SHISA9: variants seen among roughly 807,000 people sequenced by gnomAD.
SHISA9 encodes the protein protein shisa-9.
SHISA9 carries 13 observed loss-of-function variants against 38.0 expected under a neutral mutation model. The observed-to-expected ratio is 0.34, with a 90% CI of 0.22 to 0.54. SHISA9 has a LOEUF of 0.54. SHISA9 is among the 20% of genes least tolerant of loss of function. SHISA9 has a pLI of 0.91. For missense variants in SHISA9, 538 were observed against 575.8 expected (o/e 0.93, Z 0.67); for synonymous variants, 275 against 242.0 (o/e 1.14, Z -1.27).
chr16:13,200,146 G>T (rs1297411685), intron 2 of SHISA9, among the ~76,000 whole-genome samples: 1 of 152,066 alleles, frequency 6.6e-6, no homozygotes, highest in Non-Finnish European at 1.5e-5. Flanking sequence ...CGACCACATT[G>T]CATCTTGCTT....
chr16:13,219,957 C>G (rs1014264709), intron 4 of SHISA9, among the ~76,000 whole-genome samples: 35 of 151,808 alleles, frequency 2.3e-4, no homozygotes, highest in Non-Finnish European at 7.4e-5. Flanking sequence ...GACTCCATCT[C>G]AGAAAAAGAA....
At chr16:13,063,375 GA>G (rs371118821) in intron 2 of SHISA9, among the ~76,000 whole-genome samples, 7 of 146,258 alleles carry the variant, frequency 4.8e-5, no homozygotes, top group East Asian at 4.0e-4. Context: ...ACCTTAAATG[GA>G]AAAAAAAAAC....
the SHISA9 span, among the ~76,000 whole-genome samples, chr16:13,276,010 T>C: frequency 6.6e-6 from 1 of 152,014 alleles, no homozygotes; most frequent in African/African-American, 2.4e-5. Context: ...TTGTGAAATT[T>C]TGGTGCACCC....
the SHISA9 span, among the ~76,000 whole-genome samples, chr16:13,380,103 T>C: frequency 1.3e-5 from 2 of 152,000 alleles, no homozygotes; most frequent in Non-Finnish European, 2.9e-5. Context: ...CAGAGATACA[T>C]ACATATGTTT....
At chr16:13,362,494 G>A in the SHISA9 span, among the ~76,000 whole-genome samples, 1 of 152,134 alleles carries the variant, frequency 6.6e-6, no homozygotes, top group Non-Finnish European at 1.5e-5. Context: ...AAAGATGGGG[G>A]AGCTGAAGAG....
intron 2 of SHISA9, among the ~76,000 whole-genome samples, chr16:12,947,637 G>A (rs2071704428): frequency 6.6e-6 from 1 of 152,086 alleles, no homozygotes; most frequent in African/African-American, 2.4e-5. Flanking sequence ...TGAAATCCAC[G>A]GGCTATTTTT....
At chr16:13,207,254 C>G (rs1051651954) in intron 3 of SHISA9, among the ~76,000 whole-genome samples, 2 of 152,150 alleles carry the variant, frequency 1.3e-5, no homozygotes, top group Middle Eastern at 3.4e-3. Flanking sequence ...CCAGTCGCTC[C>G]CTGGGAAAAT....
At chr16:13,493,872 A>G in the SHISA9 span, among the ~76,000 whole-genome samples, 3 of 152,188 alleles carry the variant, frequency 2.0e-5, no homozygotes, top group East Asian at 1.9e-4. Context: ...ACATTACACC[A>G]GGAATATAAT....
the SHISA9 span, among the ~76,000 whole-genome samples, chr16:13,357,159 A>G: frequency 6.6e-5 from 10 of 150,532 alleles, no homozygotes; most frequent in African/African-American, 2.4e-4. Flanking sequence ...ATTGGGGCAC[A>G]GAGATAAGAG....
chr16:13,430,590 G>A, the SHISA9 span, among the ~76,000 whole-genome samples: 3 of 152,062 alleles, frequency 2.0e-5, no homozygotes, highest in Admixed American at 6.6e-5. Context: ...TCATCAGGAG[G>A]GAAAATAAGT....
chr16:13,046,913 C>A (rs1596610232), intron 2 of SHISA9, among the ~76,000 whole-genome samples: 1 of 152,136 alleles, frequency 6.6e-6, no homozygotes, highest in Non-Finnish European at 1.5e-5. Flanking sequence ...CCTCCTGGAA[C>A]CTGCAGATTA....
chr16:13,168,927 C>T (rs2050661504), intron 2 of SHISA9, among the ~76,000 whole-genome samples: 1 of 152,174 alleles, frequency 6.6e-6, no homozygotes. Context: ...ATGCATCGTG[C>T]CTGGCAGGAA....
the SHISA9 span, among the ~76,000 whole-genome samples, chr16:13,330,831 G>A: frequency 3.3e-5 from 5 of 152,104 alleles, no homozygotes; most frequent in Non-Finnish European, 7.3e-5. Flanking sequence ...TGACCAAAAG[G>A]CCAGCGGGGA....
At chr16:13,224,125 A>G (rs1472656032) in intron 4 of SHISA9, among the ~76,000 whole-genome samples, 1 of 152,252 alleles carries the variant, frequency 6.6e-6, no homozygotes, top group African/African-American at 2.4e-5. Flanking sequence ...GCAGTAGCAT[A>G]GAACACACAC....
chr16:13,430,925 A>AC, the SHISA9 span, among the ~76,000 whole-genome samples: 2 of 151,380 alleles, frequency 1.3e-5, no homozygotes, highest in Non-Finnish European at 2.9e-5. Flanking sequence ...TTTCTAGAAA[A>AC]AAAAAAAAAG....
At chr16:13,129,004 C>CT (rs1242693246) in intron 2 of SHISA9, among the ~76,000 whole-genome samples, 1 of 152,196 alleles carries the variant, frequency 6.6e-6, no homozygotes, top group Non-Finnish European at 1.5e-5. Flanking sequence ...TTTATCTTGT[C>CT]TTTCCAATGA....
chr16:13,003,703 C>A (rs1049914804), intron 2 of SHISA9, among the ~76,000 whole-genome samples: 1 of 152,064 alleles, frequency 6.6e-6, no homozygotes, highest in African/African-American at 2.4e-5. Context: ...ACTAAAAATA[C>A]AAAGATTAGC....
chr16:12,970,626 T>C (rs2141810107), intron 2 of SHISA9, among the ~76,000 whole-genome samples: 1 of 142,376 alleles, frequency 7.0e-6, no homozygotes, highest in South Asian at 2.4e-4. Context: ...TTCTCCTGCC[T>C]CAGCCTCCCA....
At chr16:13,209,974 G>T (rs1489762223) in intron 3 of SHISA9, among the ~76,000 whole-genome samples, 1 of 151,988 alleles carries the variant, frequency 6.6e-6, no homozygotes, top group Non-Finnish European at 1.5e-5. Context: ...GGTGGCACAT[G>T]CCTGTAGTCT....
Sources: gnomAD v4.1 joint callset for allele counts (sites outside exome capture counted in the v4.1 genomes callset) on GRCh38, gnomAD v4.1.1 for gene constraint, MANE v1.5 for transcripts, NCBI Gene and HGNC (gene_info 2026-07-23, HGNC 2026-07-21) for gene names.